GPR39: variants seen among roughly 807,000 people sequenced by gnomAD.
The protein encoded by GPR39 is G protein-coupled receptor 39, also known as zinc sensing receptor.
In GPR39, 23 loss-of-function variants were observed where a neutral mutation model predicts 18.4. The ratio of observed to expected loss-of-function variants is 1.25; its 90% CI spans 0.90 to 1.77. The LOEUF (loss-of-function observed/expected upper bound fraction) is 1.77, where lower values mean the gene tolerates loss of function less well. Ranked by LOEUF, GPR39 falls within the 40% of genes most tolerant of loss-of-function variation. GPR39 has a pLI of 0.00. For missense variants in GPR39, 647 were observed against 602.4 expected (o/e 1.07, Z -0.78); for synonymous variants, 280 against 257.9 (o/e 1.09, Z -0.82).
chr2:132,462,500 C>G (rs1680852297), intron 1 of GPR39, among the ~76,000 whole-genome samples: 1 of 152,194 alleles, frequency 6.6e-6, no homozygotes, highest in South Asian at 2.1e-4. Flanking sequence ...TCAAGGCCCT[C>G]CTGATTTTAC....
intron 1 of GPR39, among the ~76,000 whole-genome samples, chr2:132,484,279 C>G (rs1681290596): frequency 6.6e-6 from 1 of 152,178 alleles, no homozygotes; most frequent in South Asian, 2.1e-4. Context: ...ATTCTGTGTC[C>G]TTTGTGTCCA....
intron 1 of GPR39, among the ~76,000 whole-genome samples, chr2:132,618,704 G>A (rs1468541037): frequency 6.6e-6 from 1 of 152,212 alleles, no homozygotes; most frequent in African/African-American, 2.4e-5. Context: ...GGCAAATTAT[G>A]AGGCTGCCTG....
chr2:132,484,772 T>C (rs1019592757), intron 1 of GPR39, among the ~76,000 whole-genome samples: 2 of 152,246 alleles, frequency 1.3e-5, no homozygotes, highest in African/African-American at 2.4e-5. Context: ...ACACAGTTTA[T>C]ATGCTCTGAC....
At chr2:132,506,589 C>A (rs1679138710) in intron 1 of GPR39, among the ~76,000 whole-genome samples, 1 of 152,122 alleles carries the variant, frequency 6.6e-6, no homozygotes, top group East Asian at 1.9e-4. Context: ...ACAATCATGG[C>A]AGAAGGCACC....
chr2:132,527,095 TC>T (rs1470990893), intron 1 of GPR39, among the ~76,000 whole-genome samples: 10 of 152,188 alleles, frequency 6.6e-5, no homozygotes, highest in African/African-American at 2.4e-4. Flanking sequence ...ATGCTCTCCT[TC>T]CCCTCGCTCC....
At chr2:132,574,726 C>A (rs1007449164) in intron 1 of GPR39, among the ~76,000 whole-genome samples, 4 of 152,162 alleles carry the variant, frequency 2.6e-5, no homozygotes, top group Non-Finnish European at 5.9e-5. Context: ...CAGAGTGAGA[C>A]TTTGTCGCTA....
At chr2:132,454,030 A>G (rs1225132939) in intron 1 of GPR39, among the ~76,000 whole-genome samples, 2 of 152,220 alleles carry the variant, frequency 1.3e-5, no homozygotes, top group Non-Finnish European at 2.9e-5. Context: ...AGTAATAGGT[A>G]GCTTGATGCA....
intron 1 of GPR39, among the ~76,000 whole-genome samples, chr2:132,560,338 C>T (rs375517276): frequency 1.3e-4 from 20 of 152,250 alleles, no homozygotes; most frequent in Middle Eastern, 3.4e-3. Flanking sequence ...TGTTTGGCAC[C>T]CTCCTGTCCT....
chr2:132,596,763 C>T (rs1680957169), intron 1 of GPR39, among the ~76,000 whole-genome samples: 3 of 152,158 alleles, frequency 2.0e-5, no homozygotes, highest in South Asian at 2.1e-4. Flanking sequence ...TAAAAACATC[C>T]CAATGACCAA....
chr2:132,617,166 G>A (rs1446417026), intron 1 of GPR39, among the ~76,000 whole-genome samples: 2 of 151,782 alleles, frequency 1.3e-5, no homozygotes, highest in East Asian at 1.9e-4. Flanking sequence ...TCTGATGATG[G>A]ATACTTGGAT....
chr2:132,566,695 A>C (rs1327550024), intron 1 of GPR39, among the ~76,000 whole-genome samples: 1 of 152,200 alleles, frequency 6.6e-6, no homozygotes, highest in Non-Finnish European at 1.5e-5. Context: ...GGTGATTGAC[A>C]GGATGTCTTG....
intron 1 of GPR39, 59 bp from the exon 2 acceptor site, chr2:132,645,042 G>T: frequency 6.5e-7 from 1 of 1,537,378 alleles, no homozygotes; most frequent in South Asian, 1.3e-5. Context: ...TTCATTTACT[G>T]TGTTCTCATG....
At chr2:132,575,582 A>G (rs1422297657) in intron 1 of GPR39, among the ~76,000 whole-genome samples, 1 of 152,186 alleles carries the variant, frequency 6.6e-6, no homozygotes, top group Non-Finnish European at 1.5e-5. Context: ...TGTATGAGGG[A>G]CACAGTTTTC....
chr2:132,417,886 A>G lies in GPR39; in HGVS notation c.844A>G (p.Ile282Val). The G allele has an allele frequency of 1.3e-6, 2 of 1,589,034 alleles. No homozygotes were observed. The highest frequency in any genetic ancestry group is 1.7e-6 in the Non-Finnish European group (2 of 1,169,942). Residue 282 changes from isoleucine (I) to valine (V), a missense_variant, in exon 1 of 2, where the codon ATC becomes GTC. Transcript: ENST00000329321. ...EESRTARRQT[I>V]IFLRLIVVTL... ...GAGCAGGACCGCCAGGAGGCAGACC[A>G]TCATCTTCCTGAGTGAGTCCTAAGT...
chr2:132,471,204 TTCTGGTCACATGAGA>T (rs1681024594), intron 1 of GPR39, among the ~76,000 whole-genome samples: 1 of 152,054 alleles, frequency 6.6e-6, no homozygotes, highest in South Asian at 2.1e-4. Flanking sequence ...ATAGCCAGTT[TTCTGGTCACATGAGA>T]TGTGACCAGG....
intron 1 of GPR39, among the ~76,000 whole-genome samples, chr2:132,635,157 A>G (rs1681727159): frequency 6.6e-6 from 1 of 152,218 alleles, no homozygotes; most frequent in South Asian, 2.1e-4. Flanking sequence ...CCAAGCTTGG[A>G]GGGCTAATAC....
In GPR39 at chr2:132,642,665, T is replaced by G. The variant is rs141108081; in HGVS notation, c.857-2436T>G. 2.1e-3 allele frequency among the ~76,000 whole-genome samples: 316 copies of G among 152,338 alleles called. 2 individuals are homozygous for G. Among genetic ancestry groups the G allele is most frequent in the African/African-American group, 7.6e-3 (314 of 41,576 alleles). On this transcript the variant is annotated intron_variant, in intron 1 of 1. Coordinates refer to ENST00000329321, the MANE Select transcript of GPR39 (RefSeq NM_001508.3). ...AAGCCTGCCTTATCTTCTCATTGCC[T>G]TTGTCTGTTGGCTTTAAAAGCTGTG...
intron 1 of GPR39, among the ~76,000 whole-genome samples, chr2:132,618,302 G>A (rs1404145703): frequency 6.6e-6 from 1 of 152,142 alleles, no homozygotes; most frequent in Non-Finnish European, 1.5e-5. Flanking sequence ...TCAATTTGCT[G>A]GATTTTCATT....
At position 132,435,317 on chromosome 2, in the gene GPR39, T is replaced by TA. The variant is rs113115707; in HGVS notation, c.856+17420dup. 6.7e-3 allele frequency among the ~76,000 whole-genome samples: 1,026 copies of TA among 152,272 alleles called. 14 individuals carry two copies. Among genetic ancestry groups the TA allele is most frequent in the African/African-American group, 0.023 (948 of 41,556 alleles). On this transcript the variant is annotated intron_variant, in intron 1 of 1. Transcript: ENST00000329321. ...CCCTCCTTCCTCGTTCTCCTCAGCC[T>TA]ATTCAACATGAAGATGATGAGGATG...
Sources: allele counts gnomAD v4.1 joint callset (sites outside exome capture counted in the v4.1 genomes callset), GRCh38; gene constraint gnomAD v4.1.1; transcripts MANE v1.5; gene names NCBI Gene and HGNC (gene_info 2026-07-23, HGNC 2026-07-21).